Variants in BCOR observed in about 807,000 individuals in gnomAD.
BCOR encodes the protein BCL-6 corepressor.
Under a neutral mutation model 86.7 loss-of-function variants are expected in BCOR, and 10 were observed. The observed-to-expected ratio is 0.12, with a 90% CI of 0.07 to 0.20. The LOEUF is 0.20. Among genes scored for constraint, BCOR ranks in the 10% least tolerant of loss-of-function variants. BCOR has a pLI of 1.00. For synonymous variants in BCOR, 611 were observed against 609.0 expected, an observed-to-expected ratio of 1.00 and a Z score of -0.05; for missense variants, 1,259 against 1,452.1, an observed-to-expected ratio of 0.87 and a Z score of 2.16.
At chrX:40,108,749 C>T (rs1038271840) in intron 1 of BCOR, among the ~76,000 whole-genome samples, 3 of 113,280 alleles carry the variant, frequency 2.6e-5, no homozygotes, top group African/African-American at 9.6e-5. Context: ...TCCGGCCGGG[C>T]TCCTCCTGGC....
At chrX:40,094,665 A>T (rs907265667) in intron 1 of BCOR, among the ~76,000 whole-genome samples, 8 of 113,311 alleles carry the variant, frequency 7.1e-5, no homozygotes, top group African/African-American at 2.6e-4. Flanking sequence ...AGCGAGTTAA[A>T]GACACAGTGG....
At chrX:40,118,272 T>C (rs930174413) in intron 1 of BCOR, among the ~76,000 whole-genome samples, 14 of 110,085 alleles carry the variant, frequency 1.3e-4, no homozygotes, top group Non-Finnish European at 2.3e-4. Flanking sequence ...TTTTATTTAT[T>C]TTTTTCTGAG....
At chrX:40,174,918 A>G (rs1298966271) in intron 1 of BCOR, among the ~76,000 whole-genome samples, 4 of 113,117 alleles carry the variant, frequency 3.5e-5, no homozygotes, top group African/African-American at 1.3e-4. Context: ...TACACGGGCA[A>G]CCTGTATTTA....
intron 14 of BCOR, 77 bp from the exon 15 acceptor site, chrX:40,052,477 A>G: frequency 1.1e-6 from 1 of 928,295 alleles, no homozygotes; most frequent in Non-Finnish European, 1.5e-6. Flanking sequence ...TTAACTACCA[A>G]CCCAAGTGGA....
chrX:40,078,752 G>A (rs1302422642), intron 1 of BCOR, among the ~76,000 whole-genome samples: 1 of 111,823 alleles, frequency 8.9e-6, no homozygotes, highest in Non-Finnish European at 1.9e-5. Flanking sequence ...ATGGGGAGCC[G>A]GCAGAAGCCA....
At chrX:40,152,891 A>G (rs1419736164) in intron 1 of BCOR, among the ~76,000 whole-genome samples, 1 of 113,123 alleles carries the variant, frequency 8.8e-6, no homozygotes, top group Non-Finnish European at 1.9e-5. Context: ...TGAGGAAGGG[A>G]AAAGCCGAGA....
At chrX:40,099,078 G>A (rs922922756), upstream of BCOR, among the ~76,000 whole-genome samples, 18 of 113,343 alleles carry the variant, frequency 1.6e-4, no homozygotes, top group Admixed American at 8.3e-4. Flanking sequence ...TACACCGTTC[G>A]CCCCATAAAT....
chrX:40,169,547 T>A (rs182223089), intron 1 of BCOR, among the ~76,000 whole-genome samples: 23 of 110,890 alleles, frequency 2.1e-4, no homozygotes, highest in African/African-American at 7.2e-4. Flanking sequence ...TCAAATACGG[T>A]GTTTTAAAAA....
intron 1 of BCOR, among the ~76,000 whole-genome samples, chrX:40,147,317 CAAAA>C (rs1225570397): frequency 8.9e-6 from 1 of 112,558 alleles, no homozygotes; most frequent in Non-Finnish European, 1.9e-5. Flanking sequence ...CAAAACAAAA[CAAAA>C]AAACCCTCCA....
rs1934307594 is a variant in BCOR at position 40,051,733 on chromosome X, T to C, written c.*376A>G. On this transcript the variant is annotated 3_prime_UTR_variant, in exon 15 of 15. Transcript: ENST00000378444. ...CTCCCTCAAACCAACCACACAGTTC[T>C]GACCACTCTACAGTCATGGCCTGTC... 5.2e-6 allele frequency: 1 copy of C among 192,526 alleles called. No homozygotes were observed. Among genetic ancestry groups the C allele is most frequent in the Non-Finnish European group, 9.7e-6 (1 of 102,742 alleles). 15.9% of individuals were successfully genotyped at this position (192,526 alleles called of 1,213,427 possible). A position where few individuals can be genotyped will look rare whatever the true frequency, so the allele number is the denominator to read the frequency against.
At chrX:40,100,066 TAA>T (rs1447897991), upstream of BCOR, among the ~76,000 whole-genome samples, 2 of 112,705 alleles carry the variant, frequency 1.8e-5, no homozygotes, top group African/African-American at 6.4e-5. Context: ...CTATTTTTTA[TAA>T]AGACATTTTA....
intron 1 of BCOR, among the ~76,000 whole-genome samples, chrX:40,138,958 G>T (rs1937750069): frequency 9.0e-6 from 1 of 110,713 alleles, no homozygotes; most frequent in Non-Finnish European, 1.9e-5. Context: ...AAGTAAGGTG[G>T]CGAGAGTAAC....
At chrX:40,158,942 T>C (rs1938357483) in intron 1 of BCOR, among the ~76,000 whole-genome samples, 1 of 112,496 alleles carries the variant, frequency 8.9e-6, no homozygotes, top group African/African-American at 3.2e-5. Flanking sequence ...AAAGGCAGAC[T>C]TGTAAATGAC....
At chrX:40,070,709 C>T in intron 6 of BCOR, among the ~76,000 whole-genome samples, 1 of 111,747 alleles carries the variant, frequency 8.9e-6, no homozygotes, top group Non-Finnish European at 1.9e-5. Context: ...CAAAATATAA[C>T]CTGTCCCTGC....
chrX:40,143,466 G>A, intron 1 of BCOR, among the ~76,000 whole-genome samples: 1 of 94,826 alleles, frequency 1.1e-5, no homozygotes, highest in Non-Finnish European at 2.0e-5. Context: ...GAAATGAAAA[G>A]TCAGTTTACA....
Position 40,074,814 on chromosome X carries a change from G to C in BCOR, c.532C>G (p.Pro178Ala). ...TAACTAGCACCATTGATGTTGAGAG[G>C]GCTCTGTTTGTCGCTGGCAGGCCTG... ...LDRPASDKQS[P>A]LNINGASYLR... The change falls in exon 4 of 15, where the codon CCT becomes GCT. Residue 178 changes from proline to alanine, a missense_variant. By Grantham distance (27) the Pro-to-Ala change is conservative. Coordinates refer to ENST00000378444, the MANE Select transcript of BCOR (RefSeq NM_001123385.2). 1 of 1,211,836 alleles carries C rather than the reference G, an allele frequency of 8.3e-7. No homozygotes were observed. The highest frequency in any genetic ancestry group is 1.1e-6 in the Non-Finnish European group (1 of 895,537).
intron 1 of BCOR, among the ~76,000 whole-genome samples, chrX:40,174,449 A>G (rs1938697898): frequency 8.9e-6 from 1 of 112,558 alleles, no homozygotes; most frequent in South Asian, 3.6e-4. Context: ...CCCTCCTCCG[A>G]GGCCGCGTGG....
intron 11 of BCOR, 33 bp from the exon 12 acceptor site, chrX:40,055,546 T>G: frequency 1.7e-6 from 2 of 1,207,233 alleles, no homozygotes; most frequent in Non-Finnish European, 2.2e-6. Context: ...ATTATGCTCA[T>G]GCAAGCCACA....
intron 1 of BCOR, among the ~76,000 whole-genome samples, chrX:40,160,659 CTTTT>C (rs145716696): frequency 2.5e-5 from 2 of 81,318 alleles, no homozygotes; most frequent in Admixed American, 1.4e-4. Context: ...TGATCCTCTA[CTTTT>C]TTTTTTTTTT....
Sources: allele counts gnomAD v4.1 joint callset (sites outside exome capture counted in the v4.1 genomes callset), GRCh38; gene constraint gnomAD v4.1.1; transcripts MANE v1.5; gene names NCBI Gene and HGNC (gene_info 2026-07-23, HGNC 2026-07-21).